Variants in APTX observed in about 807,000 individuals in gnomAD.
APTX encodes forkhead-associated domain histidine triad-like protein.
APTX carries 33 observed loss-of-function variants against 42.3 expected under a neutral mutation model. The ratio of observed to expected loss-of-function variants is 0.78; its 90% CI spans 0.59 to 1.04. The LOEUF (loss-of-function observed/expected upper bound fraction) is 1.04, where lower values mean the gene tolerates loss of function less well. Among genes scored for constraint, APTX ranks in the 50% least tolerant of loss-of-function variants. The probability of loss-of-function intolerance (pLI) is 0.00; values close to 1 mark genes in which losing one functional copy is unlikely to be tolerated. For synonymous variants in APTX, 130 were observed against 146.7 expected (o/e 0.89, Z 0.82); for missense variants, 421 against 415.1 (o/e 1.01, Z -0.12).
chr9:32,989,642 G>A, intron 2 of APTX, 117 bp downstream of exon 2: 1 of 1,495,478 alleles, frequency 6.7e-7, no homozygotes, highest in Non-Finnish European at 9.3e-7. Flanking sequence ...CTCAGTTCCT[G>A]AGCTGTATTT....
chr9:32,995,984 C>T (rs1337236014), intron 1 of APTX, among the ~76,000 whole-genome samples: 4 of 152,102 alleles, frequency 2.6e-5, no homozygotes, highest in African/African-American at 4.8e-5. Context: ...GCAAGACCCC[C>T]CCTACATCAG....
intron 1 of APTX, among the ~76,000 whole-genome samples, chr9:33,020,867 C>T (rs895213150): frequency 6.6e-6 from 1 of 152,092 alleles, no homozygotes; most frequent in Non-Finnish European, 1.5e-5. Flanking sequence ...TGGTGGCTCA[C>T]GCCTGTAATC....
intron 1 of APTX, among the ~76,000 whole-genome samples, chr9:33,017,540 C>G (rs1264751598): frequency 2.6e-5 from 4 of 152,154 alleles, no homozygotes; most frequent in African/African-American, 9.7e-5. Flanking sequence ...TCTCTGAATA[C>G]CATCAACTTG....
chr9:32,998,572 G>A (rs963317694), intron 1 of APTX, among the ~76,000 whole-genome samples: 1 of 152,120 alleles, frequency 6.6e-6, no homozygotes, highest in Admixed American at 6.5e-5. Flanking sequence ...CCTTTGCAGG[G>A]ACATGGATGA....
intron 1 of APTX, among the ~76,000 whole-genome samples, chr9:33,013,940 G>C (rs998596561): frequency 6.6e-6 from 1 of 152,168 alleles, no homozygotes; most frequent in African/African-American, 2.4e-5. Flanking sequence ...CTCACCCCTA[G>C]GGCTGTAAAT....
intron 1 of APTX, among the ~76,000 whole-genome samples, chr9:33,012,401 C>T (rs1281122266): frequency 6.6e-6 from 1 of 152,174 alleles, no homozygotes; most frequent in African/African-American, 2.4e-5. Context: ...AGAATTCCTA[C>T]CCTTCCATAG....
chr9:32,983,601 C>T (rs1169665909), intron 6 of APTX, among the ~76,000 whole-genome samples: 1 of 151,876 alleles, frequency 6.6e-6, no homozygotes, highest in Non-Finnish European at 1.5e-5. Flanking sequence ...TAACCTAAGT[C>T]ATAATTATTC....
At chr9:33,017,197 C>T (rs961299667) in intron 1 of APTX, among the ~76,000 whole-genome samples, 42 of 152,240 alleles carry the variant, frequency 2.8e-4, no homozygotes, top group Admixed American at 1.2e-3. Context: ...GGCTCAGTCT[C>T]ACAAGACTAC....
intron 1 of APTX, among the ~76,000 whole-genome samples, chr9:33,023,217 T>A (rs12236372): frequency 6.6e-6 from 1 of 151,620 alleles, no homozygotes. Context: ...CCACGACTTA[T>A]GTGATTTTTT....
chr9:32,982,331 T>C (rs1051773331), intron 6 of APTX, among the ~76,000 whole-genome samples: 1 of 152,022 alleles, frequency 6.6e-6, no homozygotes, highest in African/African-American at 2.4e-5. Flanking sequence ...ATAAATGAAA[T>C]GTGAGATTGG....
chr9:32,994,290 C>T (rs1039554994), intron 1 of APTX, among the ~76,000 whole-genome samples: 6 of 152,198 alleles, frequency 3.9e-5, no homozygotes, highest in Admixed American at 2.0e-4. Context: ...AATAACTCCA[C>T]GTGGCTGGGG....
intron 2 of APTX, among the ~76,000 whole-genome samples, chr9:32,988,686 GAAAAA>G (rs201425898): frequency 1.4e-5 from 1 of 70,866 alleles, no homozygotes; most frequent in African/African-American, 5.8e-5. Context: ...ATCTCAGGAG[GAAAAA>G]AAAAAAAAAA....
chr9:32,974,599 T>A (rs1262460367), intron 6 of APTX, 38 bp from the exon 7 acceptor site: 2 of 1,123,986 alleles, frequency 1.8e-6, no homozygotes, highest in African/African-American at 1.5e-5. Flanking sequence ...TTAAACTCTT[T>A]AACAACTATG....
chr9:32,984,904 TTC>T (rs1563961529), intron 5 of APTX, 47 bp from the exon 6 acceptor site: 2 of 1,528,182 alleles, frequency 1.3e-6, no homozygotes, highest in Non-Finnish European at 1.8e-6. Context: ...ACTAAGAATC[TTC>T]TGTGTGCCTG....
intron 5 of APTX, among the ~76,000 whole-genome samples, chr9:32,985,588 G>A (rs564579979): frequency 4.3e-4 from 66 of 152,002 alleles, no homozygotes; most frequent in South Asian, 2.7e-3. Context: ...CTCCCGTCTC[G>A]GCCTCCCAAA....
intron 6 of APTX, among the ~76,000 whole-genome samples, chr9:32,976,490 A>G (rs1829446362): frequency 6.6e-6 from 1 of 152,232 alleles, no homozygotes; most frequent in Non-Finnish European, 1.5e-5. Context: ...CTCAAGACAA[A>G]AAAATTATCT....
rs559954042 is a variant in APTX, at chr9:32,973,042, G to C, written c.*456C>G. On this transcript the variant is annotated 3_prime_UTR_variant, in exon 8 of 8. Coordinates refer to ENST00000379817, the MANE Select transcript of APTX (RefSeq NM_001195248.2). ...GAAGGGAAAAGAATATTACAAAACA[G>C]ACTAACAGAAAACAAGACCCATCAG... 6.4e-5 allele frequency: 29 copies of C among 454,318 alleles called. No homozygotes were observed. Among genetic ancestry groups the C allele is most frequent in the African/African-American group, 4.4e-4 (22 of 50,138 alleles). 28.1% of individuals were successfully genotyped at this position (454,318 alleles called of 1,614,324 possible).
At chr9:32,992,489 T>C (rs1465164909) in intron 1 of APTX, among the ~76,000 whole-genome samples, 1 of 152,106 alleles carries the variant, frequency 6.6e-6, no homozygotes, top group East Asian at 1.9e-4. Flanking sequence ...CATTCCATTT[T>C]AAAAAGCACA....
intron 1 of APTX, among the ~76,000 whole-genome samples, chr9:33,011,015 C>T (rs150356836): frequency 1.4e-4 from 22 of 151,922 alleles, no homozygotes; most frequent in African/African-American, 4.3e-4. Context: ...TGGTGGTGCA[C>T]GCCTGTAATC....
Sources: gnomAD v4.1 joint callset for allele counts (sites outside exome capture counted in the v4.1 genomes callset) on GRCh38, gnomAD v4.1.1 for gene constraint, MANE v1.5 for transcripts, NCBI Gene and HGNC (gene_info 2026-07-23, HGNC 2026-07-21) for gene names.